The following EPM2A variants were observed in gnomAD, a reference collection of about 807,000 sequenced individuals.
EPM2A encodes laforin.
A neutral mutation model predicts 26.5 loss-of-function variants in EPM2A; 21 were observed. The ratio of observed to expected loss-of-function variants is 0.79; its 90% CI spans 0.56 to 1.14. The LOEUF is 1.14. Ranked by LOEUF, EPM2A falls within the 50% of genes most tolerant of loss-of-function variation. The pLI is 0.00. For missense variants in EPM2A, 458 were observed against 440.8 expected (o/e 1.04, Z -0.35); for synonymous variants, 217 against 177.6 (o/e 1.22, Z -1.76).
At chr6:145,498,581 G>C (rs1050122750), downstream of EPM2A, among the ~76,000 whole-genome samples, 1 of 152,176 alleles carries the variant, frequency 6.6e-6, no homozygotes, top group African/African-American at 2.4e-5. Context: ...GGTTTCCCAG[G>C]ATTGCACATT....
chr6:145,422,282 A>G (rs1778799209), intron 4 of EPM2A, among the ~76,000 whole-genome samples: 1 of 147,312 alleles, frequency 6.8e-6, no homozygotes, highest in Non-Finnish European at 1.5e-5. Context: ...AGATTTGTAT[A>G]ATTATATTGT....
In EPM2A at chr6:145,626,281, A is replaced by T; in HGVS notation, c.*1135T>A. 1 of 987,462 alleles carries T rather than the reference A, an allele frequency of 1.0e-6. No individual in the cohort carries two copies. The highest frequency in any genetic ancestry group is 1.2e-6 in the Non-Finnish European group (1 of 831,136). 61.2% of individuals were successfully genotyped at this position (987,462 alleles called of 1,614,324 possible). ...TAGAACCTAGGGTGATGAGCTGCAT[A>T]GTCTGGAGGCACAGGAACTGCATAT... On this transcript the variant is annotated 3_prime_UTR_variant, in exon 4 of 4. Coordinates refer to ENST00000367519, the MANE Select transcript of EPM2A (RefSeq NM_005670.4).
At chr6:145,596,133 C>T (rs1308304116) in intron 2 of EPM2A, among the ~76,000 whole-genome samples, 1 of 152,148 alleles carries the variant, frequency 6.6e-6, no homozygotes, top group Non-Finnish European at 1.5e-5. Context: ...ATCAGTAATA[C>T]TTGTGATTAA....
At chr6:145,578,400 CTA>C (rs1781066231) in intron 2 of EPM2A, among the ~76,000 whole-genome samples, 1 of 152,078 alleles carries the variant, frequency 6.6e-6, no homozygotes, top group East Asian at 1.9e-4. Context: ...AGATTAGAGA[CTA>C]TTATGAACAA....
chr6:145,735,343 C>A lies in EPM2A; in HGVS notation c.156G>T (p.Leu52=). 1.5e-6 allele frequency: 2 copies of A among 1,330,146 alleles called. No individual in the cohort carries two copies. The highest frequency in any genetic ancestry group is 1.9e-6 in the Non-Finnish European group (2 of 1,030,840). 82.4% of individuals were successfully genotyped at this position (1,330,146 alleles called of 1,614,324 possible). ...PAGTAAGDGA[L]ALQEPGLWLG... is the part of the protein sequence containing the mutation. ...GCCACAGGCCCGGCTCCTGCAGGGC[C>A]AGGGCCCCGTCGCCCGCCGCGGTGC... The change falls in exon 1 of 4, where the codon CTG becomes CTT. Residue 52 remains leucine (L), a synonymous_variant. Transcript: ENST00000367519.
chr6:145,735,478 C>T lies in EPM2A; in HGVS notation c.21G>A (p.Val7=). The change falls in exon 1 of 4, where the codon GTG becomes GTA. Residue 7 remains valine (V), a synonymous_variant. Coordinates refer to ENST00000367519, the MANE Select transcript of EPM2A (RefSeq NM_005670.4). MRFRFG[V]VVPPAVAGAR... is the part of the protein sequence containing the mutation. The stretch of plus-strand genomic sequence containing the variant: ...CGCCGGCCACGGCGGGTGGCACCAC[C>T]ACCCCAAAGCGGAAGCGCATGGCGG... The T allele has an allele frequency of 8.4e-7, 1 of 1,197,478 alleles. No homozygotes were observed. Among genetic ancestry groups the T allele is most frequent in the Non-Finnish European group, 1.0e-6 (1 of 966,660 alleles). The allele number at this position is 1,197,478 out of a possible 1,614,324, so 74.2% of individuals were successfully genotyped here.
At chr6:145,440,829 T>C (rs1008912220) in intron 4 of EPM2A, among the ~76,000 whole-genome samples, 4 of 152,212 alleles carry the variant, frequency 2.6e-5, no homozygotes, top group South Asian at 4.1e-4. Context: ...CTCTGCCCTA[T>C]GGCCTTGCAG....
chr6:145,585,095 A>G (rs2114840438), intron 2 of EPM2A, among the ~76,000 whole-genome samples: 1 of 152,278 alleles, frequency 6.6e-6, no homozygotes, highest in South Asian at 2.1e-4. Context: ...TTCATTCTCT[A>G]ACTATAATGT....
At chr6:145,450,350 C>CAAAAAA (rs368618860) in intron 4 of EPM2A, among the ~76,000 whole-genome samples, 36 of 62,330 alleles carry the variant, frequency 5.8e-4, no homozygotes, top group Non-Finnish European at 7.5e-4. Context: ...GACTCCGTCT[C>CAAAAAA]AAAAAAAAAA....
rs1209595968 is a variant in EPM2A, at chr6:145,666,569, G to A, written c.476+19553C>T. On this transcript the variant is annotated intron_variant, in intron 2 of 3. Transcript: ENST00000367519. Reference sequence around the variant, plus strand: ...CTCATGGGTAGGAAGAATCAATATCGTGAAAATGGCCATACTGCCCAAGGT... The same window carrying A: ...CTCATGGGTAGGAAGAATCAATATCATGAAAATGGCCATACTGCCCAAGGT... Among the ~76,000 whole-genome samples the A allele has an allele frequency of 8.5e-5, 6 of 70,870 alleles. No individual in the cohort carries two copies. The East Asian group carries it at 1.6e-3, about 19-fold the overall frequency. 46.5% of individuals were successfully genotyped at this position (70,870 alleles called of 152,430 possible). A position where few individuals can be genotyped will look rare whatever the true frequency, so the allele number is the denominator to read the frequency against.
chr6:145,397,283 T>C (rs1461623283), intron 4 of EPM2A, among the ~76,000 whole-genome samples: 1 of 151,658 alleles, frequency 6.6e-6, no homozygotes, highest in Non-Finnish European at 1.5e-5. Flanking sequence ...GTGAAAAAAA[T>C]TTAAAAAGTT....
chr6:145,456,809 T>A (rs1238980844), intron 4 of EPM2A, among the ~76,000 whole-genome samples: 2 of 152,226 alleles, frequency 1.3e-5, no homozygotes, highest in African/African-American at 2.4e-5. Flanking sequence ...CTAATTTTCA[T>A]TCTACTGTCG....
intron 4 of EPM2A, among the ~76,000 whole-genome samples, chr6:145,453,596 G>A (rs955650126): frequency 9.2e-5 from 14 of 152,166 alleles, no homozygotes; most frequent in Admixed American, 8.5e-4. Context: ...ATTAGATTAA[G>A]GAGAGTAGAA....
At chr6:145,674,130 C>T (rs1269925041) in intron 2 of EPM2A, among the ~76,000 whole-genome samples, 1 of 152,158 alleles carries the variant, frequency 6.6e-6, no homozygotes, top group Non-Finnish European at 1.5e-5. Flanking sequence ...TCTGCAGCCT[C>T]CACTGGTGAT....
At chr6:145,631,054 T>C (rs1388685414) in intron 3 of EPM2A, 1 of 152,192 alleles carries the variant, frequency 6.6e-6, no homozygotes, top group Non-Finnish European at 1.5e-5. Context: ...CTGCACTCAC[T>C]TACCAGCCCA....
chr6:145,671,309 C>T, intron 2 of EPM2A: 1 of 1,030,326 alleles, frequency 9.7e-7, no homozygotes. Flanking sequence ...TAGAGCTGGA[C>T]TCTTGAGTTG....
chr6:145,540,271 C>T (rs142930985), intron 2 of EPM2A, among the ~76,000 whole-genome samples: 135 of 152,234 alleles, frequency 8.9e-4, no homozygotes, highest in African/African-American at 3.2e-3. Flanking sequence ...TGGAAAAAAA[C>T]TGAAAGGAAA....
intron 1 of EPM2A, among the ~76,000 whole-genome samples, chr6:145,692,186 T>A (rs974417171): frequency 3.3e-5 from 5 of 151,968 alleles, no homozygotes; most frequent in Non-Finnish European, 5.9e-5. Context: ...TTTAACTGTG[T>A]ATATATCAAA....
intron 4 of EPM2A, among the ~76,000 whole-genome samples, chr6:145,425,155 T>TTCCTTCCTTCCTTCCTTCCA (rs1778838530): frequency 1.3e-5 from 2 of 150,976 alleles, no homozygotes; most frequent in South Asian, 4.2e-4. Context: ...CCTTCCTTCC[T>TTCCTTCCTTCCTTCCTTCCA]TCCTTTCCTT....
Sources: allele counts gnomAD v4.1 joint callset (sites outside exome capture counted in the v4.1 genomes callset), GRCh38; gene constraint gnomAD v4.1.1; transcripts MANE v1.5; gene names NCBI Gene and HGNC (gene_info 2026-07-23, HGNC 2026-07-21).